The following ASIC2 variants were observed in gnomAD, a reference collection of about 807,000 sequenced individuals.
ASIC2 encodes acid-sensing ion channel 2.
ASIC2 carries 25 observed loss-of-function variants against 57.3 expected under a neutral mutation model. That is an observed-to-expected ratio of 0.44 (90% CI 0.32 to 0.61). The LOEUF (loss-of-function observed/expected upper bound fraction) is 0.61, where lower values mean the gene tolerates loss of function less well. Among genes scored for constraint, ASIC2 ranks in the 20% least tolerant of loss-of-function variants. The pLI is 0.06. For missense variants in ASIC2, 641 were observed against 738.1 expected, an observed-to-expected ratio of 0.87 and a Z score of 1.52; for synonymous variants, 319 against 307.5, an observed-to-expected ratio of 1.04 and a Z score of -0.39.
At chr17:34,009,814 C>A (rs182007169) in intron 1 of ASIC2, among the ~76,000 whole-genome samples, 1 of 152,096 alleles carries the variant, frequency 6.6e-6, no homozygotes, top group Non-Finnish European at 1.5e-5. Flanking sequence ...CTTTCAGAAC[C>A]CCAGCCTTAT....
chr17:33,020,416 G>A (rs1212475665), intron 7 of ASIC2, among the ~76,000 whole-genome samples: 1 of 152,162 alleles, frequency 6.6e-6, no homozygotes, highest in Non-Finnish European at 1.5e-5. Context: ...AAATGCTAAC[G>A]TCACCTGGTT....
At chr17:34,148,373 G>A (rs1376390682) in intron 1 of ASIC2, among the ~76,000 whole-genome samples, 2 of 152,130 alleles carry the variant, frequency 1.3e-5, no homozygotes, top group African/African-American at 2.4e-5. Flanking sequence ...ACAGCTTAAA[G>A]TTCTAAACTG....
At chr17:34,148,447 T>A (rs938743473) in intron 1 of ASIC2, among the ~76,000 whole-genome samples, 1 of 152,174 alleles carries the variant, frequency 6.6e-6, no homozygotes, top group East Asian at 1.9e-4. Flanking sequence ...GTTGCCCCCA[T>A]AAGGGCATGC....
intron 1 of ASIC2, among the ~76,000 whole-genome samples, chr17:33,798,598 T>C (rs1191903930): frequency 6.6e-6 from 1 of 152,196 alleles, no homozygotes; most frequent in African/African-American, 2.4e-5. Flanking sequence ...TTGGCTTTGC[T>C]TATTCACTTG....
intron 1 of ASIC2, among the ~76,000 whole-genome samples, chr17:33,167,073 A>T (rs1905331975): frequency 6.6e-6 from 1 of 152,218 alleles, no homozygotes; most frequent in Non-Finnish European, 1.5e-5. Context: ...AGAGCTTGGC[A>T]CACAGTAGGT....
chr17:33,449,066 T>C (rs1284140946), intron 1 of ASIC2, among the ~76,000 whole-genome samples: 1 of 152,202 alleles, frequency 6.6e-6, no homozygotes, highest in East Asian at 1.9e-4. Context: ...TTACATGAGA[T>C]GATGAATAGG....
intron 9 of ASIC2, among the ~76,000 whole-genome samples, chr17:33,015,290 G>C (rs750729727): frequency 6.6e-6 from 1 of 152,198 alleles, no homozygotes; most frequent in Non-Finnish European, 1.5e-5. Context: ...ATCAGCGAAG[G>C]CCTGAGCCCA....
chr17:33,253,392 T>A (rs975587527), intron 1 of ASIC2, among the ~76,000 whole-genome samples: 1 of 152,200 alleles, frequency 6.6e-6, no homozygotes, highest in Non-Finnish European at 1.5e-5. Flanking sequence ...CCATGCCTCA[T>A]TTGTCTCGCT....
intron 1 of ASIC2, among the ~76,000 whole-genome samples, chr17:33,481,577 C>A (rs1334708988): frequency 1.3e-5 from 2 of 152,200 alleles, no homozygotes; most frequent in African/African-American, 4.8e-5. Flanking sequence ...TAAAACAGTA[C>A]TGAGCACACA....
At chr17:33,895,946 A>G (rs1199197443) in intron 1 of ASIC2, among the ~76,000 whole-genome samples, 3 of 152,154 alleles carry the variant, frequency 2.0e-5, no homozygotes, top group Non-Finnish European at 4.4e-5. Flanking sequence ...CAGTTCCTTC[A>G]TCTGTAAAAT....
chr17:33,048,741 G>A (rs2091964568), intron 3 of ASIC2, among the ~76,000 whole-genome samples: 1 of 152,150 alleles, frequency 6.6e-6, no homozygotes, highest in African/African-American at 2.4e-5. Context: ...GGTCCTGTGG[G>A]CCCATCCCAG....
intron 1 of ASIC2, among the ~76,000 whole-genome samples, chr17:34,146,028 G>T (rs905405142): frequency 1.3e-5 from 2 of 152,234 alleles, no homozygotes; most frequent in Admixed American, 6.5e-5. Context: ...GCTAGAATGT[G>T]AGCAGCTGAG....
At chr17:33,973,325 G>C (rs1050797550) in intron 1 of ASIC2, among the ~76,000 whole-genome samples, 1 of 152,186 alleles carries the variant, frequency 6.6e-6, no homozygotes, top group African/African-American at 2.4e-5. Flanking sequence ...ATCAACAGAG[G>C]GGCTGTGGTT....
intron 1 of ASIC2, among the ~76,000 whole-genome samples, chr17:33,908,991 G>A (rs1915405793): frequency 6.6e-6 from 1 of 152,120 alleles, no homozygotes; most frequent in African/African-American, 2.4e-5. Flanking sequence ...CTTGGCTCAG[G>A]ATCAGCCTTC....
intron 1 of ASIC2, among the ~76,000 whole-genome samples, chr17:33,811,049 G>A (rs922282896): frequency 6.6e-6 from 1 of 152,178 alleles, no homozygotes. Context: ...TAAACGGCAT[G>A]GGCCTTTATG....
chr17:33,699,263 C>T (rs1772177562), intron 1 of ASIC2, among the ~76,000 whole-genome samples: 1 of 152,128 alleles, frequency 6.6e-6, no homozygotes, highest in African/African-American at 2.4e-5. Context: ...ATTGATGCAC[C>T]CAGAATCACG....
intron 1 of ASIC2, among the ~76,000 whole-genome samples, chr17:33,247,379 G>T (rs965575579): frequency 2.0e-5 from 3 of 152,104 alleles, no homozygotes; most frequent in Non-Finnish European, 4.4e-5. Context: ...AAATGTTGAG[G>T]GCCTGAGAGA....
In ASIC2 at chr17:33,183,056, A is replaced by G. The variant is rs142710824; in HGVS notation, c.709-70989T>C. Among the ~76,000 whole-genome samples, 437 of 152,302 alleles carry G rather than the reference A, an allele frequency of 2.9e-3. 3 individuals carry two copies. The highest frequency in any genetic ancestry group is 0.017 in the Middle Eastern group (5 of 294). ...TTCATCTTCCCCATTTTACAGGTAAAGAAAATGAGGTTTGGAGAGGTGAAA... is the reference window on the plus strand; with the variant it reads ...TTCATCTTCCCCATTTTACAGGTAAGGAAAATGAGGTTTGGAGAGGTGAAA... On this transcript the variant is annotated intron_variant, in intron 1 of 9. Transcript: ENST00000225823.
At chr17:33,994,321 T>C (rs186826712) in intron 1 of ASIC2, among the ~76,000 whole-genome samples, 2 of 152,310 alleles carry the variant, frequency 1.3e-5, no homozygotes, top group African/African-American at 4.8e-5. Flanking sequence ...CAAAGAATGT[T>C]CTTTCAAATG....
Sources: gnomAD v4.1 joint callset for allele counts (sites outside exome capture counted in the v4.1 genomes callset) on GRCh38, gnomAD v4.1.1 for gene constraint, MANE v1.5 for transcripts, NCBI Gene and HGNC (gene_info 2026-07-23, HGNC 2026-07-21) for gene names.